The following SMAP1 variants were observed in gnomAD, a reference collection of about 807,000 sequenced individuals.
The protein encoded by SMAP1 is stromal membrane-associated protein 1.
A neutral mutation model predicts 58.5 loss-of-function variants in SMAP1; 24 were observed. That is an observed-to-expected ratio of 0.41 (90% confidence interval 0.30 to 0.58). SMAP1 has a LOEUF of 0.58. Ranked by LOEUF, SMAP1 falls within the 20% of genes least tolerant of loss-of-function variation. SMAP1 has a pLI of 0.29. For synonymous variants in SMAP1, 216 were observed against 196.6 expected, an observed-to-expected ratio of 1.10 and a Z score of -0.82; for missense variants, 563 against 566.3, an observed-to-expected ratio of 0.99 and a Z score of 0.06.
Position 70,860,425 on chromosome 6 carries a change from T to TTTTC in SMAP1, c.*95_*98dup, listed in dbSNP as rs1771666697. The stretch of plus-strand genomic sequence containing the variant: ...CCCTGTTTATTCATATGCATATTTT[T>TTTTC]TTTCTTTTTACCCATTTGTTCATAT... On this transcript the variant is annotated 3_prime_UTR_variant, in exon 11 of 11. Transcript: ENST00000370455. 3.7e-5 allele frequency: 55 copies of TTTTC among 1,469,480 alleles called. No individual in the cohort carries two copies. Among genetic ancestry groups the TTTTC allele is most frequent in the Non-Finnish European group, 5.0e-5 (55 of 1,096,072 alleles). The allele number at this position is 1,469,480 out of a possible 1,614,324, so 91.0% of individuals were successfully genotyped here.
chr6:70,795,189 C>G (rs1235908765), intron 5 of SMAP1, among the ~76,000 whole-genome samples: 1 of 152,162 alleles, frequency 6.6e-6, no homozygotes, highest in Non-Finnish European at 1.5e-5. Context: ...AAGTCATGCT[C>G]TCCCTCTAGT....
At chr6:70,692,570 A>G (rs1767214615) in intron 1 of SMAP1, among the ~76,000 whole-genome samples, 1 of 152,174 alleles carries the variant, frequency 6.6e-6, no homozygotes, top group African/African-American at 2.4e-5. Context: ...TAAGCCTTTA[A>G]TCTATTTTGA....
chr6:70,836,457 A>G (rs1435531062), intron 6 of SMAP1, among the ~76,000 whole-genome samples: 1 of 152,236 alleles, frequency 6.6e-6, no homozygotes, highest in Non-Finnish European at 1.5e-5. Context: ...GAGACACAGA[A>G]CGAAACTGTA....
intron 1 of SMAP1, among the ~76,000 whole-genome samples, chr6:70,676,697 T>G (rs1203687491): frequency 6.6e-6 from 1 of 152,218 alleles, no homozygotes; most frequent in Non-Finnish European, 1.5e-5. Context: ...CTCCTTGCAT[T>G]TAATAGCAGA....
chr6:70,746,214 A>G (rs1295929256), intron 2 of SMAP1, among the ~76,000 whole-genome samples: 2 of 152,176 alleles, frequency 1.3e-5, no homozygotes, highest in East Asian at 3.8e-4. Context: ...ACTATGTTGA[A>G]TAGGAGTGGT....
intron 3 of SMAP1, among the ~76,000 whole-genome samples, chr6:70,769,450 T>C (rs2149908165): frequency 6.6e-6 from 1 of 152,318 alleles, no homozygotes; most frequent in South Asian, 2.1e-4. Flanking sequence ...ATTGGGTGCA[T>C]ATATATTTAG....
At chr6:70,729,449 A>AG (rs1196405969) in intron 1 of SMAP1, among the ~76,000 whole-genome samples, 1 of 95,060 alleles carries the variant, frequency 1.1e-5, no homozygotes, top group East Asian at 2.3e-4. Context: ...AAAAAAAAAA[A>AG]AAAAGAAGGT....
At chr6:70,783,521 T>A (rs554350058) in intron 4 of SMAP1, among the ~76,000 whole-genome samples, 1 of 152,086 alleles carries the variant, frequency 6.6e-6, no homozygotes, top group East Asian at 1.9e-4. Context: ...GGGAGGAAAC[T>A]CAAACAAATG....
intron 1 of SMAP1, among the ~76,000 whole-genome samples, chr6:70,674,340 T>C (rs1766391897): frequency 6.6e-6 from 1 of 152,174 alleles, no homozygotes; most frequent in Non-Finnish European, 1.5e-5. Context: ...CTTGAACTCC[T>C]GGGTTCGAGT....
intron 6 of SMAP1, among the ~76,000 whole-genome samples, chr6:70,817,868 T>C (rs889304385): frequency 1.3e-5 from 2 of 152,184 alleles, no homozygotes; most frequent in African/African-American, 4.8e-5. Context: ...AAATTGAGAA[T>C]TGTCTTTGAA....
intron 7 of SMAP1, 138 bp from the exon 8 acceptor site, chr6:70,852,402 A>T: frequency 1.3e-6 from 1 of 756,992 alleles, no homozygotes; most frequent in Non-Finnish European, 1.9e-6. Flanking sequence ...GATCGGGGGT[A>T]GGTAGAAGGA....
At chr6:70,722,548 C>G (rs1340227803) in intron 1 of SMAP1, among the ~76,000 whole-genome samples, 1 of 152,198 alleles carries the variant, frequency 6.6e-6, no homozygotes, top group African/African-American at 2.4e-5. Flanking sequence ...GAATTAAAGA[C>G]ACACAGACAG....
In SMAP1 at chr6:70,669,081, T is replaced by A. The variant is rs1329511811; in HGVS notation, c.118+940T>A. On this transcript the variant is annotated intron_variant, in intron 1 of 10. Transcript: ENST00000370455. Reference sequence around the variant, plus strand: ...GTTTGGAGATCTGATTTATGTTTAATGTCTTGTAAGTAATCTCAAGGGAAA... The same window carrying A: ...GTTTGGAGATCTGATTTATGTTTAAAGTCTTGTAAGTAATCTCAAGGGAAA... 2.0e-5 allele frequency among the ~76,000 whole-genome samples: 3 copies of A among 152,214 alleles called. No homozygotes were observed. In the East Asian group the frequency reaches 5.8e-4, roughly 29 times the overall value.
At chr6:70,835,264 AAAAAAAAAAGAATTGACACCT>A (rs1770530577) in intron 6 of SMAP1, among the ~76,000 whole-genome samples, 2 of 151,620 alleles carry the variant, frequency 1.3e-5, no homozygotes. Flanking sequence ...AAAAAAAAAA[AAAAAAAAAAGAATTGACACCT>A]GGTAATAGTA....
Position 70,689,873 on chromosome 6 carries a change from A to G in SMAP1, c.118+21732A>G, listed in dbSNP as rs1403352811. Among the ~76,000 whole-genome samples, 4 of 152,198 alleles carry G rather than the reference A, an allele frequency of 2.6e-5. No homozygotes were observed. In the South Asian group the frequency reaches 8.3e-4, roughly 31 times the overall value. ...TTTAATTTCTGATTATTACTAGTAT[A>G]TAGAAATACCGTAGGTTGCTGCATA... On this transcript the variant is annotated intron_variant, in intron 1 of 10. Transcript: ENST00000370455.
At chr6:70,856,426 A>G (rs1047523727) in intron 8 of SMAP1, among the ~76,000 whole-genome samples, 4 of 152,208 alleles carry the variant, frequency 2.6e-5, no homozygotes, top group South Asian at 4.1e-4. Flanking sequence ...TTGAAAAGAT[A>G]AAACCTTTTA....
At chr6:70,669,854 C>T (rs1392266151) in intron 1 of SMAP1, among the ~76,000 whole-genome samples, 1 of 152,030 alleles carries the variant, frequency 6.6e-6, no homozygotes, top group Non-Finnish European at 1.5e-5. Flanking sequence ...AATTTTTGTT[C>T]AAATTTCTGT....
chr6:70,671,031 A>G (rs1766241955), intron 1 of SMAP1, among the ~76,000 whole-genome samples: 2 of 152,242 alleles, frequency 1.3e-5, no homozygotes, highest in Admixed American at 1.3e-4. Flanking sequence ...TCCTAGCTGC[A>G]TTCATGACTC....
At chr6:70,817,651 G>C (rs1282382312) in intron 6 of SMAP1, among the ~76,000 whole-genome samples, 1 of 152,072 alleles carries the variant, frequency 6.6e-6, no homozygotes, top group Non-Finnish European at 1.5e-5. Flanking sequence ...GTACTTCTGA[G>C]TTCTCAAAGA....
Sources: allele counts gnomAD v4.1 joint callset (sites outside exome capture counted in the v4.1 genomes callset), GRCh38; gene constraint gnomAD v4.1.1; transcripts MANE v1.5; gene names NCBI Gene and HGNC (gene_info 2026-07-23, HGNC 2026-07-21).